The following ZFAND3 variants were observed in gnomAD, a reference collection of about 807,000 sequenced individuals.
ZFAND3 encodes the protein zinc finger AN1-type containing 3.
In ZFAND3, 10 loss-of-function variants were observed where a neutral mutation model predicts 29.6. That is an observed-to-expected ratio of 0.34 (90% confidence interval 0.21 to 0.57). ZFAND3 has a LOEUF of 0.57. Among genes scored for constraint, ZFAND3 ranks in the 20% least tolerant of loss-of-function variants. The pLI is 0.86. For missense variants in ZFAND3, 230 were observed against 304.5 expected (o/e 0.76, Z 1.82); for synonymous variants, 128 against 112.6 (o/e 1.14, Z -0.87).
chr6:38,008,631 CTTCT>C (rs750210891), intron 2 of ZFAND3, among the ~76,000 whole-genome samples: 2 of 152,082 alleles, frequency 1.3e-5, no homozygotes, highest in Non-Finnish European at 2.9e-5. Flanking sequence ...TCTTTCTCTC[CTTCT>C]ATCTCCCCCT....
At chr6:37,837,333 T>G (rs1763985900) in intron 1 of ZFAND3, among the ~76,000 whole-genome samples, 1 of 152,178 alleles carries the variant, frequency 6.6e-6, no homozygotes, top group Admixed American at 6.5e-5. Context: ...GGTCAAGTAG[T>G]TTTTTTCAGA....
At chr6:38,042,003 T>C (rs964284273) in intron 2 of ZFAND3, among the ~76,000 whole-genome samples, 1 of 148,962 alleles carries the variant, frequency 6.7e-6, no homozygotes, top group Admixed American at 6.7e-5. Flanking sequence ...ACACGGCTTT[T>C]TTTTGGGGGG....
intron 2 of ZFAND3, chr6:38,002,831 CTTA>C (rs1762974162): frequency 6.6e-6 from 1 of 152,190 alleles, no homozygotes; most frequent in East Asian, 1.9e-4. Flanking sequence ...GAGAGCAGAT[CTTA>C]TTTTTTTTCT....
chr6:38,047,978 T>G (rs995807227), intron 2 of ZFAND3, among the ~76,000 whole-genome samples: 2 of 151,486 alleles, frequency 1.3e-5, no homozygotes, highest in Non-Finnish European at 2.9e-5. Flanking sequence ...TTTTTGTTTT[T>G]TTTTTTTTTA....
chr6:38,100,694 T>C (rs1398767026), intron 4 of ZFAND3, among the ~76,000 whole-genome samples: 5 of 152,226 alleles, frequency 3.3e-5, no homozygotes, highest in African/African-American at 9.6e-5. Context: ...CAGCCACTTA[T>C]CTCTAAGGAT....
At chr6:38,110,764 T>G (rs547133123) in intron 4 of ZFAND3, among the ~76,000 whole-genome samples, 1 of 152,344 alleles carries the variant, frequency 6.6e-6, no homozygotes, top group South Asian at 2.1e-4. Flanking sequence ...CAGAAGGCTT[T>G]CTTCTCTTTG....
intron 3 of ZFAND3, among the ~76,000 whole-genome samples, chr6:38,065,022 A>G (rs1184159976): frequency 1.3e-5 from 2 of 152,196 alleles, no homozygotes; most frequent in Non-Finnish European, 2.9e-5. Flanking sequence ...GAGTGAGAGC[A>G]AAGAAAAGCA....
chr6:37,849,161 G>T (rs538826965), intron 1 of ZFAND3, among the ~76,000 whole-genome samples: 1 of 152,270 alleles, frequency 6.6e-6, no homozygotes, highest in South Asian at 2.1e-4. Context: ...GGCTGCAGGG[G>T]GCCAGAAGGT....
At chr6:37,984,689 T>C (rs1762636203) in intron 2 of ZFAND3, among the ~76,000 whole-genome samples, 1 of 152,346 alleles carries the variant, frequency 6.6e-6, no homozygotes, top group Admixed American at 6.5e-5. Flanking sequence ...CCAGTGGACT[T>C]CTACATTCCA....
intron 2 of ZFAND3, among the ~76,000 whole-genome samples, chr6:37,957,467 G>A (rs563446148): frequency 6.6e-6 from 1 of 151,978 alleles, no homozygotes; most frequent in South Asian, 2.1e-4. Flanking sequence ...AAATAAATTA[G>A]TGAGGCACTT....
At chr6:38,107,292 A>G (rs1765228533) in intron 4 of ZFAND3, among the ~76,000 whole-genome samples, 2 of 152,224 alleles carry the variant, frequency 1.3e-5, no homozygotes, top group African/African-American at 4.8e-5. Flanking sequence ...CCTCCTTGCC[A>G]AGACACACAT....
At chr6:37,958,166 C>T (rs1020196453) in intron 2 of ZFAND3, among the ~76,000 whole-genome samples, 3 of 152,094 alleles carry the variant, frequency 2.0e-5, no homozygotes, top group Admixed American at 1.3e-4. Flanking sequence ...AAAAATTGCT[C>T]ATTTAGGCTG....
intron 1 of ZFAND3, among the ~76,000 whole-genome samples, chr6:37,858,553 T>TATA (rs1561913067): frequency 3.9e-5 from 6 of 152,230 alleles, no homozygotes; most frequent in African/African-American, 1.4e-4. Context: ...CCATAAAACA[T>TATA]TTACTTTGCA....
chr6:38,041,384 T>C (rs778307796), intron 2 of ZFAND3, among the ~76,000 whole-genome samples: 4 of 152,176 alleles, frequency 2.6e-5, no homozygotes, highest in Non-Finnish European at 5.9e-5. Context: ...TGATGACTTT[T>C]GTTAACTGCA....
intron 2 of ZFAND3, among the ~76,000 whole-genome samples, chr6:37,978,983 G>T (rs1762535461): frequency 6.6e-6 from 1 of 151,460 alleles, no homozygotes; most frequent in African/African-American, 2.4e-5. Flanking sequence ...AGTCAGTCTG[G>T]CTAGACATTT....
At chr6:37,855,894 A>T (rs1250700892) in intron 1 of ZFAND3, among the ~76,000 whole-genome samples, 1 of 152,152 alleles carries the variant, frequency 6.6e-6, no homozygotes, top group Non-Finnish European at 1.5e-5. Flanking sequence ...ATAATATTAC[A>T]TTATACCTTT....
intron 2 of ZFAND3, among the ~76,000 whole-genome samples, chr6:38,016,841 C>G (rs78187404): frequency 7.0e-4 from 107 of 152,228 alleles, no homozygotes; most frequent in African/African-American, 1.8e-3. Context: ...TGAGAGCTGT[C>G]TTAGGGATCT....
intron 1 of ZFAND3, among the ~76,000 whole-genome samples, chr6:37,907,665 A>G (rs1414500599): frequency 3.9e-5 from 3 of 75,966 alleles, no homozygotes; most frequent in Non-Finnish European, 3.8e-5. Context: ...GTTTTTGACT[A>G]TTATGCATAA....
At chr6:38,005,311 G>C (rs911907595) in intron 2 of ZFAND3, among the ~76,000 whole-genome samples, 15 of 152,196 alleles carry the variant, frequency 9.9e-5, no homozygotes, top group African/African-American at 3.6e-4. Context: ...TCAAAGATGG[G>C]TTTTAATATC....
Sources: allele counts gnomAD v4.1 joint callset (sites outside exome capture counted in the v4.1 genomes callset), GRCh38; gene constraint gnomAD v4.1.1; transcripts MANE v1.5; gene names NCBI Gene and HGNC (gene_info 2026-07-23, HGNC 2026-07-21).